Variants in RNF17 observed in about 807,000 individuals in gnomAD.
The protein encoded by RNF17 is spermatogenesis associated 23.
RNF17 carries 31 observed loss-of-function variants against 200.5 expected under a neutral mutation model. That is an observed-to-expected ratio of 0.15 (90% CI 0.12 to 0.21). The LOEUF (loss-of-function observed/expected upper bound fraction) is 0.21. Among genes scored for constraint, RNF17 ranks in the 10% least tolerant of loss-of-function variants. The pLI is 1.00. For missense variants in RNF17, 1,628 were observed against 1,905.1 expected (o/e 0.85, Z 2.71); for synonymous variants, 606 against 637.8 (o/e 0.95, Z 0.75).
intron 25 of RNF17, among the ~76,000 whole-genome samples, chr13:24,858,715 TA>T (rs1239361587): frequency 3.3e-5 from 5 of 152,078 alleles, no homozygotes; most frequent in Admixed American, 3.3e-4. Context: ...CTATTTTACT[TA>T]GGGCTGTCAA....
Position 24,801,118 on chromosome 13 carries a change from A to T in RNF17, c.1758+584A>T, listed in dbSNP as rs575454427. On this transcript the variant is annotated intron_variant, in intron 13 of 35. Coordinates refer to ENST00000255324, the MANE Select transcript of RNF17 (RefSeq NM_031277.3). ...CTTGAAATAACAAATAAGTTAATTT[A>T]AAAAAAAGGAAACACAAAAATAGCA... Among the ~76,000 whole-genome samples, 3 of 152,198 alleles carry T rather than the reference A, an allele frequency of 2.0e-5. No individual in the cohort carries two copies. The East Asian group carries it at 5.8e-4, about 29-fold the overall frequency.
At position 24,853,909 on chromosome 13, in the gene RNF17, C is replaced by T; in HGVS notation, c.3375C>T (p.Pro1125=). The T allele has an allele frequency of 6.2e-7, 1 of 1,613,662 alleles. No individual in the cohort carries two copies. The highest frequency in any genetic ancestry group is 1.7e-5 in the Admixed American group (1 of 60,010). ...TATCTGAGAAGTCTCTGGAAGTCCC[C>T]CTGGAACAGGAAGATTCAGTAGTTA... is the stretch of plus-strand genomic sequence containing the variant. ...HSLSEKSLEV[P]LEQEDSVVTN... The change falls in exon 25 of 36, where the codon CCC becomes CCT. Residue 1125 remains proline, a synonymous_variant. Transcript: ENST00000255324.
At chr13:24,821,233 A>AT (rs1888013431) in intron 15 of RNF17, among the ~76,000 whole-genome samples, 1 of 152,140 alleles carries the variant, frequency 6.6e-6, no homozygotes, top group African/African-American at 2.4e-5. Context: ...ATCATACTGA[A>AT]TTAGGGCCCA....
intron 1 of RNF17, 47 bp downstream of exon 1, chr13:24,764,380 G>T: frequency 6.6e-7 from 1 of 1,521,910 alleles, no homozygotes; most frequent in Admixed American, 2.0e-5. Context: ...CCTGGAGGGA[G>T]CGCTGGGGGC....
At chr13:24,819,668 G>T (rs1887805371) in intron 15 of RNF17, among the ~76,000 whole-genome samples, 1 of 152,066 alleles carries the variant, frequency 6.6e-6, no homozygotes, top group African/African-American at 2.4e-5. Context: ...CAGTATTTTT[G>T]ATGTCACAAA....
intron 16 of RNF17, 56 bp from the exon 17 acceptor site, chr13:24,830,428 T>G (rs760913035): frequency 2.1e-5 from 22 of 1,066,212 alleles, no homozygotes; most frequent in Non-Finnish European, 3.1e-5. Flanking sequence ...CAATCTAAAT[T>G]TTTCTAGATA....
chr13:24,756,324 G>T, the RNF17 span, among the ~76,000 whole-genome samples: 1 of 152,062 alleles, frequency 6.6e-6, no homozygotes, highest in Admixed American at 6.5e-5. Context: ...ATAAATAGCA[G>T]AAATGATTAG....
intron 6 of RNF17, among the ~76,000 whole-genome samples, chr13:24,782,183 G>T (rs1882471937): frequency 6.6e-6 from 1 of 151,962 alleles, no homozygotes; most frequent in Non-Finnish European, 1.5e-5. Context: ...GAAGCTAATG[G>T]TGGTTTGTTT....
At chr13:24,792,960 T>C (rs1477764116) in intron 9 of RNF17, 82 bp from the exon 10 acceptor site, 1 of 904,368 alleles carries the variant, frequency 1.1e-6, no homozygotes, top group East Asian at 2.4e-5. Context: ...TTAATGTCCA[T>C]GGTGGGAGTT....
At chr13:24,834,227 T>G (rs1961112) in intron 18 of RNF17, among the ~76,000 whole-genome samples, 1 of 151,840 alleles carries the variant, frequency 6.6e-6, no homozygotes, top group Middle Eastern at 3.2e-3. Context: ...GCCAACATGG[T>G]GAAACCCCAT....
downstream of RNF17, among the ~76,000 whole-genome samples, chr13:24,881,937 CAT>C (rs1566272796): frequency 8.1e-5 from 5 of 61,772 alleles, 2 homozygotes; most frequent in East Asian, 1.5e-3. Context: ...TATATAGATA[CAT>C]CTATATAGAT....
At chr13:24,809,559 C>T (rs1886332403) in intron 15 of RNF17, among the ~76,000 whole-genome samples, 1 of 152,084 alleles carries the variant, frequency 6.6e-6, no homozygotes, top group African/African-American at 2.4e-5. Flanking sequence ...TGCTAGCGGT[C>T]TATCAATTTT....
rs775180419 is a variant in RNF17 at position 24,794,677 on chromosome 13, AAATG to A, written c.1240+1341_1240+1344del. Among the ~76,000 whole-genome samples the A allele has an allele frequency of 7.4e-3, 712 of 95,934 alleles. 16 individuals carry two copies. The East Asian group carries it at 0.08, about 11-fold the overall frequency. 62.9% of individuals were successfully genotyped at this position (95,934 alleles called of 152,430 possible). On this transcript the variant is annotated intron_variant, in intron 10 of 35. Transcript: ENST00000255324. ...GTAACAGTGAGACCTCATCTCAAAT[AAATG>A]AATGAATGAGTGTTTTGACTCTGGC...
intron 6 of RNF17, among the ~76,000 whole-genome samples, chr13:24,784,893 G>C (rs1882895335): frequency 2.0e-5 from 3 of 152,064 alleles, no homozygotes; most frequent in East Asian, 3.9e-4. Flanking sequence ...ATTTTTAGTA[G>C]AGATGGGGTT....
At chr13:24,835,297 C>T (rs1455254278) in intron 18 of RNF17, among the ~76,000 whole-genome samples, 3 of 152,136 alleles carry the variant, frequency 2.0e-5, no homozygotes, top group Non-Finnish European at 4.4e-5. Context: ...CCCCGCCCAT[C>T]GCCGGTTCCT....
At position 24,778,514 on chromosome 13, in the gene RNF17, CG is replaced by C; in HGVS notation, c.429+109del. 1.3e-5 allele frequency: 10 copies of C among 765,954 alleles called. No homozygotes were observed. The South Asian group carries it at 1.5e-4, about 11-fold the overall frequency. The allele number at this position is 765,954 out of a possible 1,614,324, so 47.4% of individuals were successfully genotyped here. ...TTATAGATTCTTTTGGAAGTTTATA[CG>C]TAACAAGTTAACCCACCCTCTTACT... On this transcript the variant is annotated intron_variant, in intron 4 of 35. Coordinates refer to ENST00000255324, the MANE Select transcript of RNF17 (RefSeq NM_031277.3).
At chr13:24,792,901 C>T in intron 9 of RNF17, 141 bp from the exon 10 acceptor site, 1 of 570,694 alleles carries the variant, frequency 1.8e-6, no homozygotes, top group Non-Finnish European at 3.0e-6. Flanking sequence ...GGATAAATAA[C>T]TGGCAGTGGG....
chr13:24,788,658 C>T (rs1448762023), intron 7 of RNF17, among the ~76,000 whole-genome samples: 1 of 152,134 alleles, frequency 6.6e-6, no homozygotes, highest in Non-Finnish European at 1.5e-5. Flanking sequence ...ACAGCTTCAG[C>T]CATCTCCTAT....
At chr13:24,778,271 A>G (rs1450038381) in intron 3 of RNF17, 24 bp from the exon 4 acceptor site, 3 of 1,466,654 alleles carry the variant, frequency 2.0e-6, no homozygotes, top group African/African-American at 1.4e-5. Flanking sequence ...CAAAAAATAA[A>G]ATAATATACT....
Sources: allele counts gnomAD v4.1 joint callset (sites outside exome capture counted in the v4.1 genomes callset), GRCh38; gene constraint gnomAD v4.1.1; transcripts MANE v1.5; gene names NCBI Gene and HGNC (gene_info 2026-07-23, HGNC 2026-07-21).